Variants in EDN1 observed in about 807,000 individuals in gnomAD.
The protein encoded by EDN1 is endothelin 1.
A neutral mutation model predicts 21.7 loss-of-function variants in EDN1; 11 were observed. That is an observed-to-expected ratio of 0.51 (90% CI 0.32 to 0.84). The LOEUF (loss-of-function observed/expected upper bound fraction) is 0.84, where lower values mean the gene tolerates loss of function less well. EDN1 is among the 40% of genes least tolerant of loss of function. The pLI, the probability that EDN1 is intolerant of heterozygous loss-of-function variation, is 0.03. For missense variants in EDN1, 244 were observed against 262.3 expected (o/e 0.93, Z 0.48); for synonymous variants, 85 against 90.6 (o/e 0.94, Z 0.35).
At chr6:12,272,908 G>C in the EDN1 span, among the ~76,000 whole-genome samples, 1 of 152,232 alleles carries the variant, frequency 6.6e-6, no homozygotes, top group African/African-American at 2.4e-5. Flanking sequence ...GTTTAGAGCA[G>C]AGCAGGAGGG....
At chr6:12,280,989 A>C in the EDN1 span, among the ~76,000 whole-genome samples, 1 of 152,164 alleles carries the variant, frequency 6.6e-6, no homozygotes, top group Admixed American at 6.5e-5. Context: ...TCTCAGATCA[A>C]TTTTTTCTTT....
chr6:12,287,768 G>A (rs1762586471), upstream of EDN1, among the ~76,000 whole-genome samples: 1 of 150,310 alleles, frequency 6.7e-6, no homozygotes, highest in Non-Finnish European at 1.5e-5. Flanking sequence ...GCGCGCGCGC[G>A]CGCGCAGGCA....
At chr6:12,252,558 G>A in the EDN1 span, among the ~76,000 whole-genome samples, 1 of 152,172 alleles carries the variant, frequency 6.6e-6, no homozygotes, top group Admixed American at 6.5e-5. Flanking sequence ...GCCAATAGTG[G>A]TGAAGCATCC....
chr6:12,259,030 T>G, the EDN1 span, among the ~76,000 whole-genome samples: 1 of 152,218 alleles, frequency 6.6e-6, no homozygotes. Context: ...TGATAAATTT[T>G]GGGTTAATTA....
chr6:12,291,584 G>T (rs1469505215), intron 1 of EDN1, among the ~76,000 whole-genome samples: 3 of 152,332 alleles, frequency 2.0e-5, no homozygotes, highest in South Asian at 2.1e-4. Context: ...TGGCTAAATT[G>T]TTAGGAGGAA....
the EDN1 span, among the ~76,000 whole-genome samples, chr6:12,281,647 C>T: frequency 6.7e-6 from 1 of 149,854 alleles, no homozygotes; most frequent in East Asian, 1.9e-4. Flanking sequence ...AATAGTTTCA[C>T]TTTCCTGAAA....
the EDN1 span, among the ~76,000 whole-genome samples, chr6:12,284,544 A>AGAAG: frequency 3.4e-5 from 5 of 149,054 alleles, no homozygotes; most frequent in Admixed American, 6.7e-5. Flanking sequence ...AAGGAAGGAA[A>AGAAG]GAAGGAAGGA....
the EDN1 span, among the ~76,000 whole-genome samples, chr6:12,271,087 C>A: frequency 6.6e-6 from 1 of 152,058 alleles, no homozygotes; most frequent in African/African-American, 2.4e-5. Context: ...TTAAGTAAGT[C>A]TCTCACAGGC....
At chr6:12,251,214 A>C in the EDN1 span, among the ~76,000 whole-genome samples, 1 of 152,240 alleles carries the variant, frequency 6.6e-6, no homozygotes, top group East Asian at 1.9e-4. Flanking sequence ...CTAATTAACT[A>C]ATAAGTTATT....
chr6:12,261,030 G>T, the EDN1 span, among the ~76,000 whole-genome samples: 1 of 152,146 alleles, frequency 6.6e-6, no homozygotes, highest in Non-Finnish European at 1.5e-5. Context: ...TCTAGAAATT[G>T]CTTCTAAGAA....
the EDN1 span, among the ~76,000 whole-genome samples, chr6:12,258,096 A>C: frequency 6.6e-6 from 1 of 152,078 alleles, no homozygotes; most frequent in Non-Finnish European, 1.5e-5. Context: ...GTATACAGAC[A>C]GTGTATACTA....
the EDN1 span, among the ~76,000 whole-genome samples, chr6:12,274,940 T>TCCTC: frequency 0.22 from 25,865 of 114,966 alleles, 2,397 homozygotes; most frequent in South Asian, 0.37. Context: ...TTCTTCCTTC[T>TCCTC]CCTTCCTTCC....
At chr6:12,271,759 C>T in the EDN1 span, among the ~76,000 whole-genome samples, 9 of 152,246 alleles carry the variant, frequency 5.9e-5, no homozygotes, top group Non-Finnish European at 8.8e-5. Flanking sequence ...GCTGGTCTAG[C>T]GGTGATGAAT....
chr6:12,244,360 C>T, the EDN1 span, among the ~76,000 whole-genome samples: 70 of 152,280 alleles, frequency 4.6e-4, no homozygotes, highest in African/African-American at 1.6e-3. Context: ...TGAAAAATCA[C>T]ATTTGTTACT....
At chr6:12,273,084 G>A in the EDN1 span, among the ~76,000 whole-genome samples, 1,007 of 152,282 alleles carry the variant, frequency 6.6e-3, 14 homozygotes, top group African/African-American at 0.021. Flanking sequence ...CAGACTTGCA[G>A]GTGCTAAGGT....
At chr6:12,270,674 C>T in the EDN1 span, among the ~76,000 whole-genome samples, 2 of 152,012 alleles carry the variant, frequency 1.3e-5, no homozygotes. Context: ...TTTTTTTTGA[C>T]ACTTGGCTTG....
chr6:12,294,940 T>TTTTTA (rs1554106219), intron 4 of EDN1, among the ~76,000 whole-genome samples: 7 of 148,838 alleles, frequency 4.7e-5, no homozygotes, highest in African/African-American at 7.5e-5. Context: ...TTTTTTTTTT[T>TTTTTA]AAATAGGGAA....
the EDN1 span, among the ~76,000 whole-genome samples, chr6:12,264,898 C>T: frequency 6.6e-6 from 1 of 152,138 alleles, no homozygotes; most frequent in African/African-American, 2.4e-5. Flanking sequence ...ATCTTTTTTA[C>T]TAGAATTTGA....
In EDN1 at chr6:12,290,446, G is replaced by A. The variant is rs534514106; in HGVS notation, c.-184G>A. The A allele has an allele frequency of 4.1e-5, 25 of 616,136 alleles. No individual in the cohort carries two copies. Among genetic ancestry groups the A allele is most frequent in the African/African-American group, 3.7e-4 (20 of 54,188 alleles). 38.2% of individuals were successfully genotyped at this position (616,136 alleles called of 1,614,324 possible). The stretch of plus-strand genomic sequence containing the variant: ...TCCACCGCCGCGTGCGCCTGCAGAC[G>A]CTCCGCTCGCTGCCTTCTCTCCTGG... On this transcript the variant is annotated 5_prime_UTR_variant, in exon 1 of 5. Transcript: ENST00000379375.
Sources: gnomAD v4.1 joint callset for allele counts (sites outside exome capture counted in the v4.1 genomes callset) on GRCh38, gnomAD v4.1.1 for gene constraint, MANE v1.5 for transcripts, NCBI Gene and HGNC (gene_info 2026-07-23, HGNC 2026-07-21) for gene names.